Variants in PRR16 observed in about 807,000 individuals in gnomAD.
The protein encoded by PRR16 is proline rich 16.
Under a neutral mutation model 18.2 loss-of-function variants are expected in PRR16, and 6 were observed. The ratio of observed to expected loss-of-function variants is 0.33; its 90% CI spans 0.18 to 0.65. The LOEUF (loss-of-function observed/expected upper bound fraction) is 0.65. PRR16 is among the 30% of genes least tolerant of loss of function. PRR16 has a pLI of 0.74. For missense variants in PRR16, 412 were observed against 376.6 expected (o/e 1.09, Z -0.78); for synonymous variants, 151 against 147.8 (o/e 1.02, Z -0.16).
At chr5:120,496,499 GT>G (rs1196089171) in intron 1 of PRR16, among the ~76,000 whole-genome samples, 2 of 152,010 alleles carry the variant, frequency 1.3e-5, no homozygotes, top group Non-Finnish European at 2.9e-5. Flanking sequence ...TTGTAGAGTT[GT>G]TTTTAGTATT....
At chr5:120,729,780 G>A in the PRR16 span, among the ~76,000 whole-genome samples, 2 of 152,150 alleles carry the variant, frequency 1.3e-5, no homozygotes, top group East Asian at 1.9e-4. Context: ...ATGACAAACA[G>A]CATGGTTCCT....
chr5:120,499,214 A>C (rs897220852), intron 1 of PRR16, among the ~76,000 whole-genome samples: 3 of 144,414 alleles, frequency 2.1e-5, no homozygotes, highest in Non-Finnish European at 4.6e-5. Flanking sequence ...GGTTCCAGCG[A>C]CTCTCCTGTC....
intron 1 of PRR16, among the ~76,000 whole-genome samples, chr5:120,647,603 C>A (rs1285514328): frequency 6.6e-6 from 1 of 152,018 alleles, no homozygotes; most frequent in Non-Finnish European, 1.5e-5. Context: ...TATCACTATT[C>A]AAATTATTTC....
At chr5:120,670,140 T>C (rs1756548108) in intron 1 of PRR16, among the ~76,000 whole-genome samples, 2 of 152,142 alleles carry the variant, frequency 1.3e-5, no homozygotes, top group Admixed American at 6.6e-5. Context: ...TTTACAGTTT[T>C]CATATGTTCA....
chr5:120,511,875 C>T (rs1750836950), intron 1 of PRR16, among the ~76,000 whole-genome samples: 1 of 152,134 alleles, frequency 6.6e-6, no homozygotes, highest in Non-Finnish European at 1.5e-5. Flanking sequence ...TTTGGTTTAC[C>T]TTAGAAAAGT....
intron 1 of PRR16, among the ~76,000 whole-genome samples, chr5:120,553,816 G>GA (rs1278042393): frequency 6.6e-6 from 1 of 151,520 alleles, no homozygotes; most frequent in Non-Finnish European, 1.5e-5. Flanking sequence ...ATTACCAATG[G>GA]AAAAAAACAT....
chr5:120,494,215 T>C (rs1046154001), intron 1 of PRR16, among the ~76,000 whole-genome samples: 1 of 152,184 alleles, frequency 6.6e-6, no homozygotes, highest in Non-Finnish European at 1.5e-5. Flanking sequence ...ACTACTTTTT[T>C]CTAGTTATTC....
intron 1 of PRR16, among the ~76,000 whole-genome samples, chr5:120,545,005 A>G (rs898335567): frequency 6.6e-6 from 1 of 152,166 alleles, no homozygotes; most frequent in African/African-American, 2.4e-5. Flanking sequence ...TTTGCTGATG[A>G]TTTGAGATTT....
chr5:120,472,773 T>A (rs938835597), intron 1 of PRR16, among the ~76,000 whole-genome samples: 2 of 152,144 alleles, frequency 1.3e-5, no homozygotes, highest in African/African-American at 4.8e-5. Flanking sequence ...TAGGATGTGA[T>A]GTCAGTGTGA....
At chr5:120,759,619 G>A in the PRR16 span, among the ~76,000 whole-genome samples, 6 of 152,058 alleles carry the variant, frequency 3.9e-5, no homozygotes, top group African/African-American at 1.2e-4. Flanking sequence ...GTAACATTAT[G>A]TATTTGTCAA....
chr5:120,523,023 CT>C (rs1475895275), intron 1 of PRR16, among the ~76,000 whole-genome samples: 1 of 152,146 alleles, frequency 6.6e-6, no homozygotes, highest in Non-Finnish European at 1.5e-5. Flanking sequence ...AAACTTTGAG[CT>C]TGTTATCTGC....
intron 1 of PRR16, among the ~76,000 whole-genome samples, chr5:120,675,826 C>G (rs1004850295): frequency 1.3e-5 from 2 of 152,052 alleles, no homozygotes; most frequent in Admixed American, 6.5e-5. Context: ...GTTTTACTTG[C>G]TTTTGACCAA....
the PRR16 span, among the ~76,000 whole-genome samples, chr5:120,759,701 G>A: frequency 2.6e-5 from 4 of 152,056 alleles, no homozygotes; most frequent in Non-Finnish European, 5.9e-5. Context: ...TAAAAGTTTT[G>A]GAGATCACAA....
chr5:120,535,307 C>T (rs991081556), intron 1 of PRR16, among the ~76,000 whole-genome samples: 14 of 152,088 alleles, frequency 9.2e-5, no homozygotes, highest in African/African-American at 3.4e-4. Flanking sequence ...AATTGGAATT[C>T]TTGTGTACCC....
rs73264009 is a variant in PRR16, at chr5:120,686,846, T to C, written c.*137T>C. ...TCAGCAAAGTGGCATAAAAATCACC[T>C]GGTAAGTATGCAGCACATTGCTTAT... is the stretch of plus-strand genomic sequence containing the variant. On this transcript the variant is annotated 3_prime_UTR_variant, in exon 2 of 2. Transcript: ENST00000407149. 1.7e-3 allele frequency: 1,084 copies of C among 627,208 alleles called. 12 individuals carry two copies. The African/African-American group carries it at 0.018, about 10-fold the overall frequency. 38.9% of individuals were successfully genotyped at this position (627,208 alleles called of 1,614,324 possible).
chr5:120,719,272 A>G, the PRR16 span, among the ~76,000 whole-genome samples: 865 of 152,172 alleles, frequency 5.7e-3, 13 homozygotes, highest in African/African-American at 0.019. Context: ...GATAATGACA[A>G]TAATGATAGA....
At chr5:120,699,129 C>T in the PRR16 span, among the ~76,000 whole-genome samples, 2 of 151,692 alleles carry the variant, frequency 1.3e-5, no homozygotes, top group African/African-American at 2.4e-5. Flanking sequence ...GGCAAATCCT[C>T]GAGCTTGATG....
the PRR16 span, among the ~76,000 whole-genome samples, chr5:120,720,055 A>T: frequency 6.6e-6 from 1 of 151,998 alleles, no homozygotes; most frequent in Non-Finnish European, 1.5e-5. Flanking sequence ...TAGAGCACAC[A>T]TTTATTGTAT....
chr5:120,667,729 G>C (rs959200057), intron 1 of PRR16, among the ~76,000 whole-genome samples: 1 of 151,932 alleles, frequency 6.6e-6, no homozygotes, highest in Non-Finnish European at 1.5e-5. Context: ...AGTCATTCAG[G>C]AGCAGGTTGT....
Sources: allele counts gnomAD v4.1 joint callset (sites outside exome capture counted in the v4.1 genomes callset), GRCh38; gene constraint gnomAD v4.1.1; transcripts MANE v1.5; gene names NCBI Gene and HGNC (gene_info 2026-07-23, HGNC 2026-07-21).